HLCS: variants seen among roughly 807,000 people sequenced by gnomAD.
The protein encoded by HLCS is holocarboxylase synthetase.
Under a neutral mutation model 75.0 loss-of-function variants are expected in HLCS, and 53 were observed. That is an observed-to-expected ratio of 0.71 (90% CI 0.57 to 0.89). The LOEUF (loss-of-function observed/expected upper bound fraction) is 0.89, where lower values mean the gene tolerates loss of function less well. Ranked by LOEUF, HLCS falls within the 40% of genes least tolerant of loss-of-function variation. The probability of loss-of-function intolerance (pLI) is 0.00; values close to 1 mark genes in which losing one functional copy is unlikely to be tolerated. For missense variants in HLCS, 966 were observed against 1,074.0 expected, an observed-to-expected ratio of 0.90 and a Z score of 1.41; for synonymous variants, 431 against 428.6, an observed-to-expected ratio of 1.01 and a Z score of -0.07.
At chr21:36,879,443 C>T (rs1358257584) in intron 6 of HLCS, among the ~76,000 whole-genome samples, 3 of 152,202 alleles carry the variant, frequency 2.0e-5, no homozygotes, top group Non-Finnish European at 4.4e-5. Context: ...GAAGGAGATA[C>T]ACCAGAAGAT....
intron 5 of HLCS, among the ~76,000 whole-genome samples, chr21:36,917,168 C>G (rs1328907024): frequency 6.6e-6 from 1 of 152,160 alleles, no homozygotes; most frequent in Admixed American, 6.5e-5. Context: ...AAGGCCCTGC[C>G]AGCTCCTACA....
intron 6 of HLCS, among the ~76,000 whole-genome samples, chr21:36,814,281 T>C (rs577313417): frequency 1.9e-4 from 29 of 152,308 alleles, no homozygotes; most frequent in East Asian, 5.8e-4. Flanking sequence ...CAAAATCATT[T>C]GTATACTTTG....
At chr21:36,852,948 C>G (rs1030937808) in intron 6 of HLCS, among the ~76,000 whole-genome samples, 4 of 152,158 alleles carry the variant, frequency 2.6e-5, no homozygotes, top group African/African-American at 9.7e-5. Context: ...TTCTGGAACA[C>G]AGCAGCACAG....
intron 5 of HLCS, among the ~76,000 whole-genome samples, chr21:36,907,110 C>CA (rs1464163956): frequency 6.6e-6 from 1 of 152,074 alleles, no homozygotes; most frequent in Admixed American, 6.6e-5. Context: ...GGTGCTGAAA[C>CA]AAACATTCAT....
chr21:36,929,669 CTG>C (rs1436386573), intron 5 of HLCS, among the ~76,000 whole-genome samples: 4 of 152,264 alleles, frequency 2.6e-5, no homozygotes, highest in African/African-American at 9.6e-5. Flanking sequence ...GACTATGAAA[CTG>C]ATAGTATGGC....
chr21:36,901,607 C>T (rs923169186), intron 5 of HLCS, among the ~76,000 whole-genome samples: 15 of 152,216 alleles, frequency 9.9e-5, no homozygotes, highest in African/African-American at 3.4e-4. Flanking sequence ...CTTCTGGTGC[C>T]GCTGGCACTC....
intron 6 of HLCS, among the ~76,000 whole-genome samples, chr21:36,890,030 C>T (rs754253884): frequency 1.3e-5 from 2 of 152,082 alleles, no homozygotes; most frequent in Non-Finnish European, 2.9e-5. Context: ...ATGGTGAGTT[C>T]TCATGAGATC....
chr21:36,981,407 T>C (rs1458093855), intron 1 of HLCS, among the ~76,000 whole-genome samples: 2 of 144,944 alleles, frequency 1.4e-5, no homozygotes, highest in East Asian at 2.0e-4. Flanking sequence ...TTTTTTTTTT[T>C]TTTTTTTTTT....
intron 9 of HLCS, among the ~76,000 whole-genome samples, chr21:36,757,851 T>C (rs973629606): frequency 5.9e-5 from 9 of 152,344 alleles, no homozygotes; most frequent in Admixed American, 5.2e-4. Context: ...CTACTGAACG[T>C]TCGTAAGGCA....
intron 2 of HLCS, chr21:36,948,278 G>A (rs1340032428): frequency 1.6e-5 from 2 of 128,574 alleles, no homozygotes; most frequent in Non-Finnish European, 3.2e-5. Flanking sequence ...ACGACAGAAC[G>A]ACACTCCGTC....
chr21:36,815,855 G>T (rs1182050981), intron 6 of HLCS, among the ~76,000 whole-genome samples: 1 of 152,136 alleles, frequency 6.6e-6, no homozygotes, highest in African/African-American at 2.4e-5. Context: ...GGATACCTTT[G>T]ACTCAAGACA....
chr21:36,911,935 G>C (rs1035885605), intron 5 of HLCS, among the ~76,000 whole-genome samples: 1 of 151,756 alleles, frequency 6.6e-6, no homozygotes, highest in Non-Finnish European at 1.5e-5. Flanking sequence ...GCCAGGCGTG[G>C]TGGTGAGCAC....
chr21:36,872,901 A>AT (rs1465000049), intron 6 of HLCS, among the ~76,000 whole-genome samples: 6 of 151,870 alleles, frequency 4.0e-5, no homozygotes, highest in South Asian at 4.2e-4. Flanking sequence ...TTGCTCCACT[A>AT]TTTTTTTTCA....
intron 6 of HLCS, among the ~76,000 whole-genome samples, chr21:36,845,117 C>T (rs568525843): frequency 6.6e-6 from 1 of 151,978 alleles, no homozygotes; most frequent in South Asian, 2.1e-4. Context: ...AACTTTTGTC[C>T]ATTTTTGATT....
At position 36,802,869 on chromosome 21, in the gene HLCS, C is replaced by A. The variant is rs148600986; in HGVS notation, c.1893-35584G>T. On this transcript the variant is annotated intron_variant, in intron 6 of 10. Transcript: ENST00000674895. ...GTCCATAGTCATATATGAGCCAGTA[C>A]AGGGAGTGTTTCAAAACTGAAATAG... 2.7e-3 allele frequency among the ~76,000 whole-genome samples: 411 copies of A among 152,282 alleles called. 1 individual carries two copies. The highest frequency in any genetic ancestry group is 9.4e-3 in the African/African-American group (389 of 41,556).
At chr21:36,863,111 G>A (rs1009167364) in intron 6 of HLCS, among the ~76,000 whole-genome samples, 1 of 152,034 alleles carries the variant, frequency 6.6e-6, no homozygotes, top group Non-Finnish European at 1.5e-5. Flanking sequence ...AGACAGAAAT[G>A]TATGTTCAGT....
intron 5 of HLCS, among the ~76,000 whole-genome samples, chr21:36,929,174 A>G (rs2066529009): frequency 1.3e-5 from 2 of 152,260 alleles, no homozygotes; most frequent in Non-Finnish European, 2.9e-5. Flanking sequence ...CCGGAGGTCA[A>G]GTCCGAAGAC....
intron 6 of HLCS, among the ~76,000 whole-genome samples, chr21:36,866,112 G>A (rs990121213): frequency 7.8e-6 from 1 of 127,406 alleles, no homozygotes; most frequent in Non-Finnish European, 1.6e-5. Context: ...TTTTGTGAGC[G>A]TGAATTGTAT....
chr21:36,941,032 TA>T (rs943085250), intron 2 of HLCS, among the ~76,000 whole-genome samples: 2 of 152,298 alleles, frequency 1.3e-5, no homozygotes, highest in South Asian at 2.1e-4. Context: ...GGCAACATGG[TA>T]AAACCCCGTC....
Sources: allele counts gnomAD v4.1 joint callset (sites outside exome capture counted in the v4.1 genomes callset), GRCh38; gene constraint gnomAD v4.1.1; transcripts MANE v1.5; gene names NCBI Gene and HGNC (gene_info 2026-07-23, HGNC 2026-07-21).